The following SOX6 variants were observed in gnomAD, a reference collection of about 807,000 sequenced individuals.
SOX6 encodes transcription factor SOX-6.
A neutral mutation model predicts 97.8 loss-of-function variants in SOX6; 11 were observed. The observed-to-expected ratio is 0.11, with a 90% CI of 0.07 to 0.19. The LOEUF (loss-of-function observed/expected upper bound fraction) is 0.19, where lower values mean the gene tolerates loss of function less well. Among genes scored for constraint, SOX6 ranks in the 10% least tolerant of loss-of-function variants. The pLI is 1.00. For synonymous variants in SOX6, 360 were observed against 371.4 expected, an observed-to-expected ratio of 0.97 and a Z score of 0.35; for missense variants, 810 against 1,039.5, an observed-to-expected ratio of 0.78 and a Z score of 3.04.
chr11:16,207,697 A>G (rs1852112999), intron 4 of SOX6, among the ~76,000 whole-genome samples: 1 of 152,128 alleles, frequency 6.6e-6, no homozygotes, highest in African/African-American at 2.4e-5. Context: ...AACAAAATAA[A>G]CAAAAATTTT....
intron 3 of SOX6, among the ~76,000 whole-genome samples, chr11:16,686,517 C>G (rs1026226960): frequency 1.3e-5 from 2 of 152,192 alleles, no homozygotes; most frequent in Non-Finnish European, 2.9e-5. Flanking sequence ...TAAGGTATCT[C>G]AAGAGTGAAC....
rs1174543404 is a variant in SOX6, at chr11:16,545,711, G to A, written n.609+66370C>T. ...TCACACCTGTAATCGTAGCTCCTTGGGAGGCCAAGCCAGGCAGATCACTTA... is the reference window on the plus strand; with the variant it reads ...TCACACCTGTAATCGTAGCTCCTTGAGAGGCCAAGCCAGGCAGATCACTTA... On this transcript the variant is annotated intron_variant and non_coding_transcript_variant, in intron 4 of 5. Transcript: ENST00000524520. Among the ~76,000 whole-genome samples the A allele has an allele frequency of 4.6e-5, 7 of 152,094 alleles. No homozygotes were observed. The East Asian group carries it at 1.4e-3, about 29-fold the overall frequency.
At chr11:16,450,053 C>A (rs78026753) in intron 1 of SOX6, among the ~76,000 whole-genome samples, 2,921 of 152,182 alleles carry the variant, frequency 0.019, 90 homozygotes, top group African/African-American at 0.066. Context: ...ACTATCTATT[C>A]CAGACAGCTA....
intron 8 of SOX6, among the ~76,000 whole-genome samples, chr11:16,096,611 A>G (rs1212108138): frequency 3.9e-5 from 6 of 151,946 alleles, no homozygotes; most frequent in African/African-American, 1.4e-4. Flanking sequence ...AGTTGGAAAC[A>G]TTCAAAATGA....
rs192442935 is a variant in SOX6, at chr11:16,118,779, T to C, written c.778-6856A>G. ...TTTAACTTTTTTTAGTAATGGGAAA[T>C]AAGTATTTGTATTGAAAATCATGTG... On this transcript the variant is annotated intron_variant, in intron 6 of 15. Transcript: ENST00000683767. 3.1e-3 allele frequency among the ~76,000 whole-genome samples: 476 copies of C among 152,344 alleles called. 4 individuals are homozygous for C. The highest frequency in any genetic ancestry group is 0.011 in the African/African-American group (460 of 41,578).
At chr11:16,296,075 T>C (rs985715552) in intron 3 of SOX6, among the ~76,000 whole-genome samples, 16 of 152,162 alleles carry the variant, frequency 1.1e-4, no homozygotes, top group African/African-American at 3.6e-4. Context: ...TCCAGAACTT[T>C]ATATCTGATT....
At chr11:16,644,283 G>C (rs1051658411) in intron 3 of SOX6, among the ~76,000 whole-genome samples, 1 of 152,010 alleles carries the variant, frequency 6.6e-6, no homozygotes, top group African/African-American at 2.4e-5. Flanking sequence ...CAAGATATCC[G>C]CCTGCCTCAG....
At chr11:16,247,498 G>A (rs980913521) in intron 3 of SOX6, among the ~76,000 whole-genome samples, 22 of 152,140 alleles carry the variant, frequency 1.4e-4, no homozygotes, top group Non-Finnish European at 2.9e-4. Context: ...TCACAGTTCT[G>A]CAGGGCTGGG....
chr11:16,400,622 GATACAAAAATGTATACATAATATGATCCA>G (rs1565132068), intron 1 of SOX6, among the ~76,000 whole-genome samples: 2 of 151,298 alleles, frequency 1.3e-5, no homozygotes, highest in Admixed American at 1.3e-4. Context: ...TGAGTTTTTA[GATACAAAAATGTATACATAATATGATCCA>G]ATCTTGCAGA....
intron 3 of SOX6, among the ~76,000 whole-genome samples, chr11:16,286,489 C>T (rs1854746389): frequency 6.6e-6 from 1 of 152,064 alleles, no homozygotes; most frequent in Admixed American, 6.6e-5. Flanking sequence ...TCATATTCAG[C>T]ATATATATGC....
intron 3 of SOX6, among the ~76,000 whole-genome samples, chr11:16,280,070 A>G (rs1043645982): frequency 1.3e-5 from 2 of 152,122 alleles, no homozygotes; most frequent in African/African-American, 4.8e-5. Flanking sequence ...ACTTAATCAA[A>G]AAAGGCCATT....
At chr11:16,710,622 C>A (rs1848171412) in intron 3 of SOX6, among the ~76,000 whole-genome samples, 1 of 152,108 alleles carries the variant, frequency 6.6e-6, no homozygotes, top group South Asian at 2.1e-4. Flanking sequence ...GTTGAACTAC[C>A]TCTTTTATCT....
intron 1 of SOX6, among the ~76,000 whole-genome samples, chr11:16,354,477 A>G (rs892182600): frequency 6.6e-6 from 1 of 152,026 alleles, no homozygotes; most frequent in African/African-American, 2.4e-5. Context: ...TAAAAAGCAC[A>G]GGGTAAAAAT....
At chr11:16,493,927 C>T (rs1032261804) in intron 4 of SOX6, among the ~76,000 whole-genome samples, 1 of 152,120 alleles carries the variant, frequency 6.6e-6, no homozygotes, top group African/African-American at 2.4e-5. Context: ...CCTACGTAGA[C>T]ATTTGTACAA....
At chr11:16,318,747 C>T (rs1236218767) in intron 2 of SOX6, 94 bp from the exon 3 acceptor site, 1 of 838,534 alleles carries the variant, frequency 1.2e-6, no homozygotes. Flanking sequence ...GTATATGATG[C>T]TTAGTAGGAC....
At chr11:16,037,503 T>C (rs1855549546) in intron 12 of SOX6, among the ~76,000 whole-genome samples, 1 of 152,318 alleles carries the variant, frequency 6.6e-6, no homozygotes, top group Admixed American at 6.5e-5. Context: ...GAACTGGTCT[T>C]GGGAATGCTG....
chr11:15,987,062 A>C (rs1469462305), intron 14 of SOX6, among the ~76,000 whole-genome samples: 1 of 152,184 alleles, frequency 6.6e-6, no homozygotes, highest in Non-Finnish European at 1.5e-5. Context: ...AAAGTACAAA[A>C]ATTTTAATAC....
intron 4 of SOX6, among the ~76,000 whole-genome samples, chr11:16,216,819 A>G (rs1852387337): frequency 6.6e-6 from 1 of 152,186 alleles, no homozygotes; most frequent in Non-Finnish European, 1.5e-5. Context: ...AAAACTGAAT[A>G]GTACACAGAA....
intron 1 of SOX6, among the ~76,000 whole-genome samples, chr11:16,416,096 T>C (rs1348817691): frequency 1.3e-5 from 2 of 152,198 alleles, no homozygotes; most frequent in Non-Finnish European, 2.9e-5. Flanking sequence ...AGCACCACAG[T>C]AGGCTAATAG....
Sources: gnomAD v4.1 joint callset for allele counts (sites outside exome capture counted in the v4.1 genomes callset) on GRCh38, gnomAD v4.1.1 for gene constraint, MANE v1.5 for transcripts, NCBI Gene and HGNC (gene_info 2026-07-23, HGNC 2026-07-21) for gene names.